CFAP70: variants seen among roughly 807,000 people sequenced by gnomAD.
CFAP70 encodes cilia and flagella associated protein 70.
In CFAP70, 81 loss-of-function variants were observed where a neutral mutation model predicts 137.6. The ratio of observed to expected loss-of-function variants is 0.59; its 90% CI spans 0.49 to 0.71. The LOEUF is 0.71. CFAP70 is among the 30% of genes least tolerant of loss of function. CFAP70 has a pLI of 0.00. For missense variants in CFAP70, 976 were observed against 1,226.7 expected (o/e 0.80, Z 3.05); for synonymous variants, 382 against 423.6 (o/e 0.90, Z 1.20).
intron 22 of CFAP70, chr10:73,274,852 A>G (rs2046579253): frequency 2.3e-6 from 1 of 439,260 alleles, no homozygotes; most frequent in African/African-American, 2.0e-5. Flanking sequence ...AAATATTAAG[A>G]AAAACATTCA....
chr10:73,312,699 A>G, intron 9 of CFAP70, 56 bp from the exon 11 acceptor site: 6 of 1,412,976 alleles, frequency 4.2e-6, no homozygotes, highest in Non-Finnish European at 4.7e-6. Context: ...ACTTGAAAGA[A>G]ATACACATTA....
chr10:73,256,684 A>G (rs189165184), intron 25 of CFAP70, among the ~76,000 whole-genome samples: 2 of 152,086 alleles, frequency 1.3e-5, no homozygotes, highest in Non-Finnish European at 2.9e-5. Flanking sequence ...TGGGTGGATC[A>G]CAAGGTCAGG....
chr10:73,254,072 G>T lies in CFAP70; in HGVS notation c.3076-17C>A, dbSNP rs776887790. The T allele has an allele frequency of 2.5e-6, 4 of 1,583,838 alleles. No homozygotes were observed. The highest frequency in any genetic ancestry group is 3.5e-6 in the Non-Finnish European group (4 of 1,156,996). On this transcript the variant is annotated splice_polypyrimidine_tract_variant and intron_variant, in intron 26 of 26. Coordinates refer to ENST00000310715, the Ensembl canonical transcript of CFAP70. ...CAATTTCAGCTACATGAAAGAGGAAGAAAGGGAAAGATATATGTCATACGT... is the reference window on the plus strand; with the variant it reads ...CAATTTCAGCTACATGAAAGAGGAATAAAGGGAAAGATATATGTCATACGT...
At chr10:73,355,666 T>C (rs1223483420) in intron 1 of CFAP70, among the ~76,000 whole-genome samples, 1 of 152,104 alleles carries the variant, frequency 6.6e-6, no homozygotes, top group Non-Finnish European at 1.5e-5. Context: ...AAGTCCCAGC[T>C]ACTTGGGAGG....
At chr10:73,333,740 AC>A in intron 7 of CFAP70, among the ~76,000 whole-genome samples, 1 of 152,346 alleles carries the variant, frequency 6.6e-6, no homozygotes, top group East Asian at 1.9e-4. Flanking sequence ...GACATGCCTT[AC>A]AAGAAATGCT....
intron 16 of CFAP70, 50 bp from the exon 18 acceptor site, chr10:73,292,064 T>G (rs1299735493): frequency 1.9e-6 from 3 of 1,599,940 alleles, no homozygotes; most frequent in Non-Finnish European, 2.6e-6. Context: ...CCTATTTTTA[T>G]GCATACGACA....
chr10:73,257,820 A>G (rs2044669273), intron 25 of CFAP70, among the ~76,000 whole-genome samples: 1 of 151,978 alleles, frequency 6.6e-6, no homozygotes, highest in South Asian at 2.1e-4. Context: ...TTCTGCTATC[A>G]TGAACATTGC....
chr10:73,334,551 C>T (rs2052443205), intron 7 of CFAP70, among the ~76,000 whole-genome samples: 1 of 151,450 alleles, frequency 6.6e-6, no homozygotes, highest in Admixed American at 6.6e-5. Flanking sequence ...CCTAATAACA[C>T]TGTGTAACCA....
intron 9 of CFAP70, among the ~76,000 whole-genome samples, chr10:73,321,811 T>G (rs926706381): frequency 6.6e-6 from 1 of 152,000 alleles, no homozygotes. Flanking sequence ...TAAGACAGAG[T>G]CTTGCTCTGT....
At chr10:73,310,283 A>C in intron 11 of CFAP70, 34 bp from the exon 13 acceptor site, 1 of 1,486,338 alleles carries the variant, frequency 6.7e-7, no homozygotes. Context: ...TATTTCCAGA[A>C]AAAAATATAT....
At chr10:73,298,030 A>G (rs1405004191) in intron 14 of CFAP70, among the ~76,000 whole-genome samples, 4 of 152,150 alleles carry the variant, frequency 2.6e-5, no homozygotes, top group African/African-American at 7.2e-5. Flanking sequence ...TTCTTTCTTT[A>G]TATCTGTTTA....
intron 26 of CFAP70, 36 bp downstream of exon 27, chr10:73,256,333 T>TG (rs2044488678): frequency 6.2e-7 from 1 of 1,613,098 alleles, no homozygotes; most frequent in Admixed American, 1.7e-5. Flanking sequence ...ACCCTTAACA[T>TG]GGGGCAGGCA....
At chr10:73,347,267 T>C (rs892117274) in intron 4 of CFAP70, among the ~76,000 whole-genome samples, 9 of 152,172 alleles carry the variant, frequency 5.9e-5, no homozygotes, top group African/African-American at 2.2e-4. Flanking sequence ...ATCCATGAAC[T>C]ACAGAGTACT....
chr10:73,284,756 A>C lies in CFAP70; in HGVS notation c.2240-6419T>G, dbSNP rs1159375749. Among the ~76,000 whole-genome samples, 41 of 19,154 alleles carry C rather than the reference A, an allele frequency of 2.1e-3. 1 individual carries two copies. The highest frequency in any genetic ancestry group is 0.012 in the African/African-American group (40 of 3,408). The allele number at this position is 19,154 out of a possible 152,430, so 12.6% of individuals were successfully genotyped here. A position where few individuals can be genotyped will look rare whatever the true frequency, so the allele number is the denominator to read the frequency against. ...ACCTGCCACATATATATATATATAT[A>C]TATATATATATATATATATATATAT... On this transcript the variant is annotated intron_variant, in intron 19 of 26. Transcript: ENST00000310715.
intron 15 of CFAP70, chr10:73,294,803 G>A (rs2048412879): frequency 6.6e-6 from 1 of 152,094 alleles, no homozygotes; most frequent in African/African-American, 2.4e-5. Context: ...ATTTATTTCT[G>A]GATCTATTGT....
intron 12 of CFAP70, among the ~76,000 whole-genome samples, chr10:73,301,362 G>A (rs2048942835): frequency 6.6e-6 from 1 of 152,168 alleles, no homozygotes; most frequent in African/African-American, 2.4e-5. Flanking sequence ...TTAAAAATGT[G>A]TGGCACCTCC....
intron 3 of CFAP70, among the ~76,000 whole-genome samples, chr10:73,352,420 C>A (rs1477922548): frequency 6.6e-6 from 1 of 152,170 alleles, no homozygotes; most frequent in Non-Finnish European, 1.5e-5. Flanking sequence ...TATTAGGCTG[C>A]CGCTTTCATA....
At chr10:73,266,319 T>G (rs1223485634) in intron 25 of CFAP70, among the ~76,000 whole-genome samples, 1 of 152,206 alleles carries the variant, frequency 6.6e-6, no homozygotes, top group Non-Finnish European at 1.5e-5. Context: ...TGTTCCCCAA[T>G]GACTGCCCTG....
chr10:73,337,697 GAGTTCAAGACCAGCC>G (rs1490739907), intron 6 of CFAP70, among the ~76,000 whole-genome samples: 1 of 152,116 alleles, frequency 6.6e-6, no homozygotes, highest in Non-Finnish European at 1.5e-5. Flanking sequence ...CTGAGGTCAG[GAGTTCAAGACCAGCC>G]TGGCCAAATG....
Sources: gnomAD v4.1 joint callset for allele counts (sites outside exome capture counted in the v4.1 genomes callset) on GRCh38, gnomAD v4.1.1 for gene constraint, MANE v1.5 for transcripts, NCBI Gene and HGNC (gene_info 2026-07-23, HGNC 2026-07-21) for gene names.